Variants in KDM4C observed in about 807,000 individuals in gnomAD.
KDM4C encodes lysine demethylase 4C.
In KDM4C, 81 loss-of-function variants were observed where a neutral mutation model predicts 129.3. The observed-to-expected ratio is 0.63, with a 90% CI of 0.52 to 0.75. The LOEUF (loss-of-function observed/expected upper bound fraction) is 0.75, where lower values mean the gene tolerates loss of function less well. Ranked by LOEUF, KDM4C falls within the 30% of genes least tolerant of loss-of-function variation. The pLI is 0.00. For synonymous variants in KDM4C, 573 were observed against 456.1 expected (o/e 1.26, Z -3.26); for missense variants, 1,457 against 1,304.0 (o/e 1.12, Z -1.81).
Position 6,803,812 on chromosome 9 carries a change from C to T in KDM4C, c.145-1787C>T, listed in dbSNP as rs146739532. 3.8e-3 allele frequency among the ~76,000 whole-genome samples: 561 copies of T among 149,208 alleles called. 11 individuals carry two copies. The highest frequency in any genetic ancestry group is 3.1e-3 in the Non-Finnish European group (209 of 67,308). ...TCATGAATTGCTTCATGACGTTGTA[C>T]GTTCTATTTTAATTTAATTTAATTT... On this transcript the variant is annotated intron_variant, in intron 2 of 21. Transcript: ENST00000381309.
intron 1 of KDM4C, chr9:6,734,887 C>G (rs1354861024): frequency 1.8e-6 from 1 of 559,138 alleles, no homozygotes; most frequent in African/African-American, 1.9e-5. Context: ...AGAGACTTCA[C>G]AATGGAAGGT....
chr9:6,982,743 T>C (rs1816982566), intron 9 of KDM4C: 1 of 152,220 alleles, frequency 6.6e-6, no homozygotes, highest in Admixed American at 6.5e-5. Flanking sequence ...ATATTTTCAT[T>C]AGGTGTATGA....
At chr9:6,741,198 G>A (rs554085659) in intron 1 of KDM4C, among the ~76,000 whole-genome samples, 10 of 151,764 alleles carry the variant, frequency 6.6e-5, no homozygotes, top group African/African-American at 1.9e-4. Context: ...GAGAATGGGA[G>A]CATCCTGGCC....
intron 19 of KDM4C, among the ~76,000 whole-genome samples, chr9:7,139,454 G>C (rs768184828): frequency 6.6e-6 from 1 of 152,152 alleles, no homozygotes; most frequent in Non-Finnish European, 1.5e-5. Context: ...GTTCTAAGCA[G>C]CCAACACCTG....
rs1453846882 is a variant in KDM4C at position 6,849,637 on chromosome 9, G to A, written c.566G>A (p.Trp189Ter). 6.2e-7 allele frequency: 1 copy of A among 1,613,674 alleles called. No individual in the cohort carries two copies. The highest frequency in any genetic ancestry group is 8.5e-7 in the Non-Finnish European group (1 of 1,179,682). Residue 189 changes from tryptophan (W) to a stop codon, truncating the protein, a stop_gained, in exon 5 of 22, where the codon TGG (tryptophan) becomes TAG (stop). Coordinates refer to ENST00000381309, the MANE Select transcript of KDM4C (RefSeq NM_015061.6). LOFTEE classifies it high-confidence loss of function. ...GGCATGTGGAAGACCACGTTTGCAT[G>A]GCACACCGAAGACATGGACCTCTAT... ...YFGMWKTTFA[W>*]HTEDMDLYSI...
chr9:6,988,588 C>G (rs940024906), intron 11 of KDM4C, among the ~76,000 whole-genome samples: 5 of 152,222 alleles, frequency 3.3e-5, no homozygotes, highest in Non-Finnish European at 7.4e-5. Context: ...CAGTGTAATG[C>G]TATGTGTATG....
intron 15 of KDM4C, among the ~76,000 whole-genome samples, chr9:7,024,416 T>C (rs1037377205): frequency 1.1e-4 from 17 of 152,024 alleles, no homozygotes; most frequent in Admixed American, 2.0e-4. Flanking sequence ...ATGTGCCATG[T>C]TGGTGTGCTG....
At chr9:7,054,259 A>G (rs1830580385) in intron 17 of KDM4C, among the ~76,000 whole-genome samples, 1 of 152,246 alleles carries the variant, frequency 6.6e-6, no homozygotes, top group Non-Finnish European at 1.5e-5. Context: ...GAGGACTGAA[A>G]GAAAAAGAAT....
intron 12 of KDM4C, among the ~76,000 whole-genome samples, chr9:6,995,693 A>G (rs940310395): frequency 6.6e-6 from 1 of 151,170 alleles, no homozygotes; most frequent in Non-Finnish European, 1.5e-5. Context: ...TTTTTTTGAG[A>G]TGGCGTCTCG....
chr9:6,756,907 A>T (rs190190508), upstream of KDM4C, among the ~76,000 whole-genome samples: 1 of 152,230 alleles, frequency 6.6e-6, no homozygotes, highest in Non-Finnish European at 1.5e-5. Flanking sequence ...TTCTGTTATC[A>T]GTATAATGTA....
chr9:6,925,232 G>GCTTCAGACGGAATAA (rs1822261514), intron 8 of KDM4C: 1 of 985,372 alleles, frequency 1.0e-6, no homozygotes, highest in African/African-American at 1.7e-5. Context: ...CTGTGGCAGA[G>GCTTCAGACGGAATAA]CTTCAGACGG....
chr9:6,847,373 G>C (rs1359406331), intron 4 of KDM4C, among the ~76,000 whole-genome samples: 1 of 152,034 alleles, frequency 6.6e-6, no homozygotes, highest in Non-Finnish European at 1.5e-5. Context: ...TATGAGGTCT[G>C]AAAAGTTGGA....
Position 6,869,660 on chromosome 9 carries a change from C to T in KDM4C, c.630-10352C>T, listed in dbSNP as rs116219909. Among the ~76,000 whole-genome samples, 1,061 of 152,320 alleles carry T rather than the reference C, an allele frequency of 7.0e-3. 15 individuals carry two copies. The highest frequency in any genetic ancestry group is 0.024 in the African/African-American group (1,012 of 41,580). ...CCCAAATTCAGGCAAGATGGCCAAG[C>T]CTTTATACTCAAGCCTGGACCATCC... On this transcript the variant is annotated intron_variant, in intron 5 of 21. Transcript: ENST00000381309.
chr9:7,019,743 TAA>T lies in KDM4C; in HGVS notation c.2259+3815_2259+3816del, dbSNP rs1563993217. 4.6e-3 allele frequency among the ~76,000 whole-genome samples: 571 copies of T among 124,874 alleles called. 11 individuals carry two copies. The highest frequency in any genetic ancestry group is 0.01 in the African/African-American group (336 of 32,702). 81.9% of individuals were successfully genotyped at this position (124,874 alleles called of 152,430 possible). Reference sequence around the variant, plus strand: ...TATAATATTTTTATATATAAAAATATAATATTTTTATATATAAAAATATAATA... The same window carrying T: ...TATAATATTTTTATATATAAAAATATTATTTTTATATATAAAAATATAATA... On this transcript the variant is annotated intron_variant, in intron 15 of 21. Transcript: ENST00000381309.
At chr9:6,857,308 A>C (rs1840042161) in intron 5 of KDM4C, among the ~76,000 whole-genome samples, 1 of 152,228 alleles carries the variant, frequency 6.6e-6, no homozygotes, top group Non-Finnish European at 1.5e-5. Flanking sequence ...CAAAACAGAA[A>C]AGATAATATT....
At chr9:6,774,857 C>T (rs916516249) in intron 1 of KDM4C, among the ~76,000 whole-genome samples, 2 of 152,104 alleles carry the variant, frequency 1.3e-5, no homozygotes, top group South Asian at 4.1e-4. Flanking sequence ...CCTTGGCAAC[C>T]ATGTCCTGAT....
intron 18 of KDM4C, among the ~76,000 whole-genome samples, chr9:7,113,304 G>A (rs1838537707): frequency 6.6e-6 from 1 of 152,194 alleles, no homozygotes; most frequent in South Asian, 2.1e-4. Context: ...GGTTAGATTT[G>A]CCTGGAAGGA....
chr9:6,931,437 T>A (rs376128532), intron 8 of KDM4C, among the ~76,000 whole-genome samples: 2 of 152,224 alleles, frequency 1.3e-5, no homozygotes, highest in East Asian at 3.9e-4. Context: ...TAAACACGCA[T>A]GCATGAAAAT....
chr9:7,056,545 T>C (rs1461508114), intron 17 of KDM4C, among the ~76,000 whole-genome samples: 1 of 152,204 alleles, frequency 6.6e-6, no homozygotes, highest in Non-Finnish European at 1.5e-5. Context: ...TGTAGATGTC[T>C]ATAGGAGAAA....
Sources: allele counts gnomAD v4.1 joint callset (sites outside exome capture counted in the v4.1 genomes callset), GRCh38; gene constraint gnomAD v4.1.1; transcripts MANE v1.5; gene names NCBI Gene and HGNC (gene_info 2026-07-23, HGNC 2026-07-21).